The following ARHGEF12 variants were observed in gnomAD, a reference collection of about 807,000 sequenced individuals.
ARHGEF12 encodes the protein Rho guanine nucleotide exchange factor 12, also known as KMT2A/ARHGEF12 fusion protein.
In ARHGEF12, 66 loss-of-function variants were observed where a neutral mutation model predicts 211.2. That is an observed-to-expected ratio of 0.31 (90% CI 0.26 to 0.38). The LOEUF is 0.38. Among genes scored for constraint, ARHGEF12 ranks in the 10% least tolerant of loss-of-function variants. The pLI, the probability that ARHGEF12 is intolerant of heterozygous loss-of-function variation, is 1.00. For missense variants in ARHGEF12, 1,429 were observed against 1,869.5 expected (o/e 0.76, Z 4.34); for synonymous variants, 592 against 638.4 (o/e 0.93, Z 1.09).
Position 120,485,108 on chromosome 11 carries a change from G to A in ARHGEF12, c.*31G>A. The A allele has an allele frequency of 1.2e-6, 2 of 1,613,220 alleles. No individual in the cohort carries two copies. Among genetic ancestry groups the A allele is most frequent in the East Asian group, 2.2e-5 (1 of 44,874 alleles). On this transcript the variant is annotated 3_prime_UTR_variant, in exon 41 of 41. Transcript: ENST00000397843. The stretch of plus-strand genomic sequence containing the variant: ...CATGTCCTGGAGGTGACTGCAGGTT[G>A]TTGGATTTGGAGTATCGGCCGTGTC...
At chr11:120,456,423 T>C (rs1946362924) in intron 22 of ARHGEF12, among the ~76,000 whole-genome samples, 5 of 151,994 alleles carry the variant, frequency 3.3e-5, no homozygotes. Context: ...CTATTAAACA[T>C]TGGGAAGAAA....
rs1242677349 is a variant in ARHGEF12, at chr11:120,449,104, T to G, written c.1738-5T>G. The G allele has an allele frequency of 6.2e-7, 1 of 1,612,474 alleles. No individual in the cohort carries two copies. Among genetic ancestry groups the G allele is most frequent in the Admixed American group, 1.7e-5 (1 of 59,906 alleles). ...TATCTCTTATTTTTTGTACTTCAAC[T>G]CTAGCAAAGTATGAAGAAAGATAAA... is the stretch of plus-strand genomic sequence containing the variant. On this transcript the variant is annotated splice_polypyrimidine_tract_variant and splice_region_variant and intron_variant, in intron 20 of 40. Transcript: ENST00000397843.
intron 1 of ARHGEF12, among the ~76,000 whole-genome samples, chr11:120,347,640 C>T (rs1942807938): frequency 6.6e-6 from 1 of 152,168 alleles, no homozygotes; most frequent in African/African-American, 2.4e-5. Flanking sequence ...CCAATTTCAG[C>T]TGCTCAGGTT....
chr11:120,374,999 G>A (rs746840577), intron 1 of ARHGEF12, among the ~76,000 whole-genome samples: 6 of 152,138 alleles, frequency 3.9e-5, no homozygotes, highest in South Asian at 2.1e-4. Context: ...CAAAATGAAC[G>A]AGATTGGTAT....
At chr11:120,437,909 G>A (rs1326114495) in intron 12 of ARHGEF12, among the ~76,000 whole-genome samples, 2 of 152,022 alleles carry the variant, frequency 1.3e-5, no homozygotes, top group South Asian at 2.1e-4. Flanking sequence ...CAGAATTTCC[G>A]TCCTTTTTGA....
At chr11:120,440,251 A>G (rs1945831383) in intron 13 of ARHGEF12, 30 bp downstream of exon 13, 2 of 1,538,200 alleles carry the variant, frequency 1.3e-6, no homozygotes, top group South Asian at 2.3e-5. Flanking sequence ...TAAAAAATAG[A>G]TTGTTACTTT....
At chr11:120,373,401 C>A (rs1943640227) in intron 1 of ARHGEF12, among the ~76,000 whole-genome samples, 1 of 152,138 alleles carries the variant, frequency 6.6e-6, no homozygotes, top group Non-Finnish European at 1.5e-5. Flanking sequence ...CTGTTCTCTA[C>A]AATGTTCTAT....
At chr11:120,375,517 T>C (rs1943700207) in intron 1 of ARHGEF12, among the ~76,000 whole-genome samples, 1 of 151,798 alleles carries the variant, frequency 6.6e-6, no homozygotes, top group Admixed American at 6.6e-5. Context: ...AACTTTCCTT[T>C]ACCTGTAGTG....
intron 6 of ARHGEF12, 145 bp downstream of exon 6, chr11:120,421,997 A>C: frequency 1.7e-6 from 1 of 603,270 alleles, no homozygotes; most frequent in Non-Finnish European, 2.9e-6. Context: ...AACTTATTTC[A>C]TTTGTTTTAA....
intron 1 of ARHGEF12, among the ~76,000 whole-genome samples, chr11:120,355,614 G>A (rs1407207255): frequency 2.0e-5 from 3 of 152,148 alleles, no homozygotes; most frequent in East Asian, 1.9e-4. Context: ...GGCTGAGGTG[G>A]GAGGATTGCT....
intron 32 of ARHGEF12, 126 bp downstream of exon 32, chr11:120,474,761 ATT>A (rs1946979862): frequency 1.6e-6 from 1 of 618,140 alleles, no homozygotes; most frequent in African/African-American, 1.8e-5. Context: ...ACCTCGTGTT[ATT>A]TGTACATTTG....
Position 120,446,468 on chromosome 11 carries a change from A to G in ARHGEF12, c.1411A>G (p.Arg471Gly), listed in dbSNP as rs774756398. 16 of 1,613,502 alleles carry G rather than the reference A, an allele frequency of 9.9e-6. No individual in the cohort carries two copies. The highest frequency in any genetic ancestry group is 1.7e-5 in the Admixed American group (1 of 59,998). ...HRHYIQTMQE[R>G]VHPEVQRHLE... is the part of the protein sequence containing the mutation. ...CCACTATATCCAAACTATGCAAGAA[A>G]GAGTCCATCCAGAAGTTCAAAGGCA... is the stretch of plus-strand genomic sequence containing the variant. The change falls in exon 17 of 41, where the codon AGA becomes GGA. Residue 471 changes from arginine to glycine, a missense_variant. Arg to Gly is a moderately radical substitution (Grantham distance 125, BLOSUM62 -2). Around this residue, in one of 7 missense-constraint regions of ARHGEF12, gnomAD observed 373 missense variants for 467.5 expected, o/e 0.80. Transcript: ENST00000397843.
At chr11:120,378,715 T>A (rs951217790) in intron 1 of ARHGEF12, among the ~76,000 whole-genome samples, 1 of 152,224 alleles carries the variant, frequency 6.6e-6, no homozygotes, top group Non-Finnish European at 1.5e-5. Flanking sequence ...CAGCACCATT[T>A]GCAGAAAAGA....
chr11:120,352,769 C>T (rs1428810091), intron 1 of ARHGEF12, among the ~76,000 whole-genome samples: 2 of 152,174 alleles, frequency 1.3e-5, no homozygotes, highest in Non-Finnish European at 2.9e-5. Flanking sequence ...CTGGGCCCTA[C>T]CTATTGTCAT....
chr11:120,453,911 A>G (rs1285879805), intron 22 of ARHGEF12, among the ~76,000 whole-genome samples: 3 of 152,260 alleles, frequency 2.0e-5, no homozygotes, highest in Non-Finnish European at 4.4e-5. Context: ...TTGCAGGTCT[A>G]TAATCAAAAT....
intron 4 of ARHGEF12, chr11:120,409,694 C>A (rs957816285): frequency 1.0e-4 from 39 of 383,344 alleles, no homozygotes; most frequent in Non-Finnish European, 1.6e-4. Flanking sequence ...TGCCCATCTT[C>A]TCCCGTCTTG....
At chr11:120,367,378 T>TTTTTTTTTTTTTTTTTTTTTTTG (rs1943456969) in intron 1 of ARHGEF12, among the ~76,000 whole-genome samples, 1 of 116,006 alleles carries the variant, frequency 8.6e-6, no homozygotes, top group African/African-American at 3.2e-5. Flanking sequence ...TTTTTTTTTT[T>TTTTTTTTTTTTTTTTTTTTTTTG]TTTTTGAGGT....
At chr11:120,449,841 A>T (rs1053629849) in intron 21 of ARHGEF12, 4 of 152,022 alleles carry the variant, frequency 2.6e-5, no homozygotes, top group African/African-American at 9.7e-5. Context: ...AATTAAAAAA[A>T]AAAAGTGTGT....
chr11:120,451,336 G>A lies in ARHGEF12; in HGVS notation c.1844-176G>A, dbSNP rs921492587. 4.9e-5 allele frequency: 26 copies of A among 533,410 alleles called. No homozygotes were observed. The Admixed American group carries it at 6.5e-4, about 13-fold the overall frequency. 33.0% of individuals were successfully genotyped at this position (533,410 alleles called of 1,614,324 possible). ...TGGGATTACAGGCATGTGCCACCAC[G>A]CCCAGCTAATTTTTGTATTTTTAAT... On this transcript the variant is annotated intron_variant, in intron 21 of 40. Coordinates refer to ENST00000397843, the MANE Select transcript of ARHGEF12 (RefSeq NM_015313.3).
Sources: allele counts gnomAD v4.1 joint callset (sites outside exome capture counted in the v4.1 genomes callset), GRCh38; gene constraint gnomAD v4.1.1; regional missense constraint gnomAD v4.1.1; transcripts MANE v1.5; gene names NCBI Gene and HGNC (gene_info 2026-07-23, HGNC 2026-07-21).